Variants in NFATC2 observed in about 807,000 individuals in gnomAD.
NFATC2 encodes nuclear factor of activated T-cells, cytoplasmic 2.
NFATC2 carries 22 observed loss-of-function variants against 87.3 expected under a neutral mutation model. The observed-to-expected ratio is 0.25, with a 90% CI of 0.18 to 0.36. The LOEUF (loss-of-function observed/expected upper bound fraction) is 0.36. Among genes scored for constraint, NFATC2 ranks in the 10% least tolerant of loss-of-function variants. NFATC2 has a pLI of 1.00. For missense variants in NFATC2, 1,149 were observed against 1,259.1 expected (o/e 0.91, Z 1.32); for synonymous variants, 565 against 542.2 (o/e 1.04, Z -0.58).
chr20:51,393,244 G>T (rs760994997), intron 10 of NFATC2, among the ~76,000 whole-genome samples: 1 of 128,722 alleles, frequency 7.8e-6, no homozygotes, highest in African/African-American at 3.1e-5. Flanking sequence ...TCCTTGCTTG[G>T]TGAACCTTGC....
At chr20:51,550,264 C>T (rs1287548870) in intron 1 of NFATC2, among the ~76,000 whole-genome samples, 1 of 152,066 alleles carries the variant, frequency 6.6e-6, no homozygotes, top group Non-Finnish European at 1.5e-5. Context: ...CCACTGCATT[C>T]CAAAAGAGTA....
chr20:51,398,072 C>T (rs1345947723), intron 10 of NFATC2, among the ~76,000 whole-genome samples: 1 of 94,916 alleles, frequency 1.1e-5, no homozygotes, highest in Non-Finnish European at 2.3e-5. Context: ...AACTCAGTTC[C>T]AAGGGGCTGA....
intron 6 of NFATC2, among the ~76,000 whole-genome samples, chr20:51,437,946 T>C (rs1460495343): frequency 1.3e-5 from 2 of 152,212 alleles, no homozygotes; most frequent in Non-Finnish European, 2.9e-5. Context: ...ACATCACCCA[T>C]GCCCCCTTGA....
chr20:51,548,967 G>A (rs956387156), intron 1 of NFATC2, among the ~76,000 whole-genome samples: 2 of 152,142 alleles, frequency 1.3e-5, no homozygotes, highest in Admixed American at 1.3e-4. Flanking sequence ...TGACTCAATG[G>A]CTTCAGGGAA....
chr20:51,412,910 GAGA>G (rs1396701290), intron 9 of NFATC2, among the ~76,000 whole-genome samples: 3 of 151,684 alleles, frequency 2.0e-5, no homozygotes, highest in East Asian at 2.0e-4. Context: ...AGGAGCACAG[GAGA>G]AGGAGAAGGA....
At chr20:51,445,056 A>G (rs1984878680) in intron 6 of NFATC2, among the ~76,000 whole-genome samples, 1 of 151,884 alleles carries the variant, frequency 6.6e-6, no homozygotes, top group African/African-American at 2.4e-5. Flanking sequence ...CACCAAGTCC[A>G]CTGTTCATAC....
chr20:51,559,895 C>A lies in NFATC2; in HGVS notation c.70+2665G>T, dbSNP rs116461610. Among the ~76,000 whole-genome samples the A allele has an allele frequency of 7.0e-3, 1,068 of 152,294 alleles. 11 individuals carry two copies. The highest frequency in any genetic ancestry group is 0.025 in the African/African-American group (1,039 of 41,560). ...GCATCATTTCATACGATGCTCTTGA[C>A]AATCCGATGAAGTTGATACTATCAT... On this transcript the variant is annotated intron_variant, in intron 1 of 10. Coordinates refer to the NFATC2 transcript ENST00000414705.
intron 9 of NFATC2, among the ~76,000 whole-genome samples, chr20:51,409,519 G>C (rs569864638): frequency 6.6e-6 from 1 of 152,234 alleles, no homozygotes; most frequent in African/African-American, 2.4e-5. Context: ...TGAAGAGGAT[G>C]TGTTTGAAAT....
intron 9 of NFATC2, among the ~76,000 whole-genome samples, chr20:51,412,972 GCCCCCCCATCCCCCGCTCCCGCCGCC>G (rs1435881960): frequency 8.3e-4 from 12 of 14,410 alleles, no homozygotes; most frequent in Admixed American, 7.4e-3. Context: ...ACCGACCCCG[GCCCCCCCATCCCCCGCTCCCGCCGCC>G]CCCCCCCCTC....
chr20:51,559,993 G>T (rs1380346439), intron 1 of NFATC2, among the ~76,000 whole-genome samples: 3 of 152,212 alleles, frequency 2.0e-5, no homozygotes, highest in African/African-American at 7.2e-5. Flanking sequence ...TCATTATAAA[G>T]TTCCAGTAAG....
chr20:51,450,825 T>C (rs1352415170), intron 6 of NFATC2, among the ~76,000 whole-genome samples: 1 of 152,232 alleles, frequency 6.6e-6, no homozygotes, highest in African/African-American at 2.4e-5. Flanking sequence ...AGCCAACTTT[T>C]CACAGCTGAA....
intron 9 of NFATC2, among the ~76,000 whole-genome samples, chr20:51,408,892 T>A (rs965295164): frequency 6.6e-6 from 1 of 152,166 alleles, no homozygotes; most frequent in African/African-American, 2.4e-5. Context: ...TCAGCAGGAC[T>A]GGGGTGGAGG....
At chr20:51,419,405 T>G (rs1980544953) in intron 9 of NFATC2, among the ~76,000 whole-genome samples, 1 of 152,212 alleles carries the variant, frequency 6.6e-6, no homozygotes. Flanking sequence ...GTTACGCCCT[T>G]AAAGGAAAGG....
rs1986036402 is a variant in NFATC2, at chr20:51,453,378, C to T, written c.1849+1170G>A. ...GCCCTTGTACAGTGCACAATCCCTCCAACTGGACAACTCACCTGTTATATT... is the reference window on the plus strand; with the variant it reads ...GCCCTTGTACAGTGCACAATCCCTCTAACTGGACAACTCACCTGTTATATT... On this transcript the variant is annotated intron_variant, in intron 6 of 10. Transcript: ENST00000371564. Among the ~76,000 whole-genome samples, 3 of 152,180 alleles carry T rather than the reference C, an allele frequency of 2.0e-5. No individual in the cohort carries two copies. The South Asian group carries it at 6.2e-4, about 32-fold the overall frequency.
chr20:51,428,496 G>A (rs547581010), intron 9 of NFATC2, among the ~76,000 whole-genome samples: 5 of 152,304 alleles, frequency 3.3e-5, no homozygotes, highest in South Asian at 2.1e-4. Flanking sequence ...AAGAACAAAC[G>A]GGGCCAAGCC....
chr20:51,399,643 G>GGTT (rs1195785487), intron 9 of NFATC2, among the ~76,000 whole-genome samples: 1 of 152,156 alleles, frequency 6.6e-6, no homozygotes, highest in Non-Finnish European at 1.5e-5. Flanking sequence ...GGCTAGTTGG[G>GGTT]GTTGGCTACT....
At chr20:51,491,950 C>T (rs955232986) in intron 3 of NFATC2, among the ~76,000 whole-genome samples, 1 of 144,988 alleles carries the variant, frequency 6.9e-6, no homozygotes, top group African/African-American at 2.5e-5. Flanking sequence ...CCTGTGAAAG[C>T]TTATGAGGAC....
rs540916675 is a variant in NFATC2, at chr20:51,413,211, G to A, written c.2723-14481C>T. 2.3e-4 allele frequency among the ~76,000 whole-genome samples: 35 copies of A among 151,932 alleles called. 4 individuals are homozygous for A. In the South Asian group the frequency reaches 4.8e-3, roughly 21 times the overall value. On this transcript the variant is annotated intron_variant, in intron 9 of 10. Coordinates refer to ENST00000371564, the MANE Select transcript of NFATC2 (RefSeq NM_012340.5). ...CAGCACATTTTTGAGGTCATGCCCC[G>A]GCCTGGCCTGTGGAGTCCCCCAAGC...
rs573269724 is a variant in NFATC2, at chr20:51,524,688, G to A, written c.131-578C>T. ...CAGACTCTGCAGCCCACAGTGCCCT[G>A]GGCTTCAATCCCAGATTTCACACCA... On this transcript the variant is annotated intron_variant, in intron 1 of 10. Coordinates refer to ENST00000371564, the MANE Select transcript of NFATC2 (RefSeq NM_012340.5). The surrounding 1 kb of genome is among the most constrained non-coding windows in gnomAD (Gnocchi z 4.0). Among the ~76,000 whole-genome samples, 2 of 152,082 alleles carry A rather than the reference G, an allele frequency of 1.3e-5. No individual in the cohort carries two copies. The highest frequency in any genetic ancestry group is 2.9e-5 in the Non-Finnish European group (2 of 68,018).
Sources: allele counts gnomAD v4.1 joint callset (sites outside exome capture counted in the v4.1 genomes callset), GRCh38; gene constraint gnomAD v4.1.1; non-coding constraint Gnocchi (gnomAD v3.1); transcripts MANE v1.5; gene names NCBI Gene and HGNC (gene_info 2026-07-23, HGNC 2026-07-21).